Variants in CERT1 observed in about 807,000 individuals in gnomAD.
CERT1 encodes the protein ceramide transporter 1, also known as ceramide transfer protein.
A neutral mutation model predicts 87.9 loss-of-function variants in CERT1; 31 were observed. That is an observed-to-expected ratio of 0.35 (90% confidence interval 0.27 to 0.48). The LOEUF (loss-of-function observed/expected upper bound fraction) is 0.48. CERT1 is among the 20% of genes least tolerant of loss of function. The pLI, the probability that CERT1 is intolerant of heterozygous loss-of-function variation, is 0.99. For missense variants in CERT1, 487 were observed against 758.0 expected, an observed-to-expected ratio of 0.64 and a Z score of 4.20; for synonymous variants, 289 against 250.9, an observed-to-expected ratio of 1.15 and a Z score of -1.44.
rs779698861 is a variant in CERT1 at position 75,417,017 on chromosome 5, T to C, written c.696A>G (p.Thr232=). The part of the protein sequence containing the change: ...GNKEKLFPHV[T]PKGINGIDFK... Reference sequence around the variant, plus strand: ...AGTCTATACCATTAATTCCTTTTGGTGTCACATGTGGAAATACTGAAAATG... The same window carrying C: ...AGTCTATACCATTAATTCCTTTTGGCGTCACATGTGGAAATACTGAAAATG... The change falls in exon 7 of 17, where the codon ACA becomes ACG. Residue 232 remains threonine (T), a synonymous_variant. Coordinates refer to ENST00000643780, the MANE Select transcript of CERT1 (RefSeq NM_001379029.1). The C allele has an allele frequency of 1.2e-6, 2 of 1,603,788 alleles. No homozygotes were observed. The highest frequency in any genetic ancestry group is 1.7e-6 in the Non-Finnish European group (2 of 1,173,608).
At chr5:75,448,318 T>C (rs187032889) in intron 3 of CERT1, among the ~76,000 whole-genome samples, 11 of 152,350 alleles carry the variant, frequency 7.2e-5, no homozygotes, top group Admixed American at 6.5e-5. Flanking sequence ...ATTATTTGCC[T>C]ATGAAGTACA....
intron 16 of CERT1, 145 bp from the exon 17 acceptor site, chr5:75,379,618 G>A (rs1761476551): frequency 2.6e-6 from 2 of 767,314 alleles, no homozygotes; most frequent in Non-Finnish European, 2.1e-6. Context: ...ACGGAGTCTT[G>A]CTCTGTTGCC....
intron 2 of CERT1, among the ~76,000 whole-genome samples, chr5:75,490,112 C>T (rs1045649224): frequency 3.3e-5 from 5 of 152,110 alleles, no homozygotes; most frequent in African/African-American, 7.2e-5. Context: ...AACCAAACAC[C>T]GTATGTTCTC....
chr5:75,485,312 CAAAAAAAAAAAA>C (rs757349878), intron 2 of CERT1, among the ~76,000 whole-genome samples: 15 of 46,450 alleles, frequency 3.2e-4, no homozygotes, highest in African/African-American at 8.1e-4. Flanking sequence ...CACAAAAATA[CAAAAAAAAAAAA>C]AAAAAAAAAA....
rs185854851 is a variant in CERT1, at chr5:75,462,128, T to G, written c.232-2947A>C. 1.5e-3 allele frequency among the ~76,000 whole-genome samples: 234 copies of G among 152,330 alleles called. 2 individuals are homozygous for G. The highest frequency in any genetic ancestry group is 5.2e-3 in the African/African-American group (217 of 41,576). On this transcript the variant is annotated intron_variant, in intron 2 of 16. Coordinates refer to ENST00000643780, the MANE Select transcript of CERT1 (RefSeq NM_001379029.1). ...GATTGAGGTAAGTTCCTCACTGGTC[T>G]CATTTTCCTTGTTTTGGTGCTGAGA... is the stretch of plus-strand genomic sequence containing the variant.
At chr5:75,474,066 C>T (rs527421066) in intron 2 of CERT1, among the ~76,000 whole-genome samples, 1 of 152,272 alleles carries the variant, frequency 6.6e-6, no homozygotes, top group East Asian at 1.9e-4. Context: ...CCTGCCTGGC[C>T]TAAACCCAGT....
chr5:75,466,905 T>A (rs1348855898), intron 2 of CERT1, among the ~76,000 whole-genome samples: 1 of 152,242 alleles, frequency 6.6e-6, no homozygotes, highest in Non-Finnish European at 1.5e-5. Flanking sequence ...TTTCCTATAT[T>A]AAACACTTTC....
At chr5:75,425,669 T>C (rs780755433) in intron 4 of CERT1, among the ~76,000 whole-genome samples, 170 bp from the exon 5 acceptor site, 3 of 152,232 alleles carry the variant, frequency 2.0e-5, no homozygotes, top group Non-Finnish European at 4.4e-5. Flanking sequence ...TTGAAACTGA[T>C]GAATCTATTG....
At chr5:75,502,737 A>AT (rs1280961003) in intron 2 of CERT1, among the ~76,000 whole-genome samples, 1 of 152,142 alleles carries the variant, frequency 6.6e-6, no homozygotes, top group Non-Finnish European at 1.5e-5. Context: ...CACAAATTAT[A>AT]TTTTTTATCA....
intron 5 of CERT1, among the ~76,000 whole-genome samples, chr5:75,423,719 T>G (rs1451732105): frequency 6.6e-6 from 1 of 152,212 alleles, no homozygotes; most frequent in South Asian, 2.1e-4. Flanking sequence ...ATTGGAAGGT[T>G]CTGATACTAC....
intron 11 of CERT1, among the ~76,000 whole-genome samples, chr5:75,390,882 T>A (rs967877824): frequency 1.3e-5 from 2 of 152,282 alleles, no homozygotes; most frequent in African/African-American, 4.8e-5. Context: ...TAACTCACTG[T>A]AATCTTGAAC....
intron 11 of CERT1, among the ~76,000 whole-genome samples, chr5:75,397,767 T>C (rs1470122997): frequency 6.6e-6 from 1 of 152,164 alleles, no homozygotes; most frequent in Non-Finnish European, 1.5e-5. Flanking sequence ...ACACCTGTAA[T>C]CCCAGCACTT....
At chr5:75,399,614 C>T (rs1209694049) in intron 10 of CERT1, among the ~76,000 whole-genome samples, 1 of 152,036 alleles carries the variant, frequency 6.6e-6, no homozygotes, top group African/African-American at 2.4e-5. Context: ...CCATTTAACC[C>T]CAAAGAAGAG....
At chr5:75,485,753 A>C (rs1218599288) in intron 2 of CERT1, among the ~76,000 whole-genome samples, 1 of 152,138 alleles carries the variant, frequency 6.6e-6, no homozygotes. Context: ...GAATTGGAAA[A>C]CCTAGAAGAA....
chr5:75,372,032 T>C (rs1258911287), intron 17 of CERT1: 5 of 152,204 alleles, frequency 3.3e-5, no homozygotes, highest in Non-Finnish European at 5.9e-5. Flanking sequence ...TTTCTTCTTT[T>C]AATACAAATA....
At chr5:75,404,312 A>C (rs926310996) in intron 8 of CERT1, among the ~76,000 whole-genome samples, 3 of 151,734 alleles carry the variant, frequency 2.0e-5, no homozygotes, top group African/African-American at 4.8e-5. Context: ...AAAAAAAAAA[A>C]AACAACTTTC....
chr5:75,473,037 A>G (rs1178738568), intron 2 of CERT1, among the ~76,000 whole-genome samples: 1 of 152,200 alleles, frequency 6.6e-6, no homozygotes, highest in East Asian at 1.9e-4. Flanking sequence ...GAATGGATAA[A>G]GAAAATATAG....
chr5:75,389,568 CTA>C (rs1364902186), intron 12 of CERT1, 22 bp downstream of exon 12: 6 of 1,583,540 alleles, frequency 3.8e-6, no homozygotes, highest in Non-Finnish European at 5.2e-6. Flanking sequence ...CTTTGGCAAT[CTA>C]TAACATTTCA....
At chr5:75,479,388 A>G (rs1766122985) in intron 2 of CERT1, among the ~76,000 whole-genome samples, 1 of 152,006 alleles carries the variant, frequency 6.6e-6, no homozygotes, top group South Asian at 2.1e-4. Context: ...AGATTGTTTC[A>G]TCACCCAGGT....
Sources: allele counts gnomAD v4.1 joint callset (sites outside exome capture counted in the v4.1 genomes callset), GRCh38; gene constraint gnomAD v4.1.1; transcripts MANE v1.5; gene names NCBI Gene and HGNC (gene_info 2026-07-23, HGNC 2026-07-21).